Variants in ANKS1A observed in about 807,000 individuals in gnomAD.
ANKS1A encodes the protein ankyrin repeat and sterile alpha motif domain containing 1A.
ANKS1A carries 55 observed loss-of-function variants against 120.3 expected under a neutral mutation model. The ratio of observed to expected loss-of-function variants is 0.46; its 90% CI spans 0.37 to 0.57. The LOEUF is 0.57. ANKS1A is among the 20% of genes least tolerant of loss of function. The pLI is 0.00. For missense variants in ANKS1A, 1,123 were observed against 1,480.3 expected, an observed-to-expected ratio of 0.76 and a Z score of 3.96; for synonymous variants, 590 against 604.7, an observed-to-expected ratio of 0.98 and a Z score of 0.36.
rs553994189 is a variant in ANKS1A at position 35,078,584 on chromosome 6, C to T, written c.2211C>T (p.Asp737=). The T allele has an allele frequency of 6.2e-7, 1 of 1,610,164 alleles. No homozygotes were observed. Among genetic ancestry groups the T allele is most frequent in the South Asian group, 1.1e-5 (1 of 91,084 alleles). ...FLGSNVMEEQ[D]LRDIGISDPQ... is the part of the protein sequence containing the mutation. ...GGTCTAATGTGATGGAAGAGCAGGA[C>T]CTGCGGGACATCGGCATCAGCGACC... Residue 737 remains aspartate, a synonymous_variant, in exon 14 of 24, where the codon GAC becomes GAT. Coordinates refer to ENST00000360359, the MANE Select transcript of ANKS1A (RefSeq NM_015245.3).
intron 3 of ANKS1A, among the ~76,000 whole-genome samples, chr6:34,971,118 G>T (rs1166517611): frequency 6.6e-6 from 1 of 152,236 alleles, no homozygotes; most frequent in Non-Finnish European, 1.5e-5. Context: ...AGAACTTGCA[G>T]CAGTATAAGT....
At chr6:35,061,312 C>T (rs1776487189) in intron 13 of ANKS1A, among the ~76,000 whole-genome samples, 1 of 152,150 alleles carries the variant, frequency 6.6e-6, no homozygotes, top group African/African-American at 2.4e-5. Context: ...GGGGCGTGGC[C>T]ACCTATGTGC....
Position 34,889,388 on chromosome 6 carries a change from G to T in ANKS1A, c.-15G>T, listed in dbSNP as rs576829336. On this transcript the variant is annotated 5_prime_UTR_variant, in exon 1 of 24. Coordinates refer to ENST00000360359, the MANE Select transcript of ANKS1A (RefSeq NM_015245.3). The surrounding 1 kb of genome is among the most constrained non-coding windows in gnomAD (Gnocchi z 5.5). The stretch of plus-strand genomic sequence containing the variant: ...CAGCCTCGGGGAGGGGGTCCAGCGG[G>T]TGGCGGCCCTGGGGATGGGGAAGGA... 8 of 1,260,544 alleles carry T rather than the reference G, an allele frequency of 6.3e-6. No individual in the cohort carries two copies. The highest frequency in any genetic ancestry group is 8.3e-5 in the Admixed American group (2 of 24,050). 78.1% of individuals were successfully genotyped at this position (1,260,544 alleles called of 1,614,324 possible). A position where few individuals can be genotyped will look rare whatever the true frequency, so the allele number is the denominator to read the frequency against.
Position 34,982,025 on chromosome 6 carries a change from C to T in ANKS1A, c.732+39C>T. ...TGGGGGCTCCTCCAATCTCAAGAGA[C>T]TCAGTCATTTTGCAGAAGGCACAAG... On this transcript the variant is annotated intron_variant, in intron 4 of 23. Coordinates refer to ENST00000360359, the MANE Select transcript of ANKS1A (RefSeq NM_015245.3). The surrounding 1 kb of genome is among the most constrained non-coding windows in gnomAD (Gnocchi z 4.9). 1 of 1,603,082 alleles carries T rather than the reference C, an allele frequency of 6.2e-7. No individual in the cohort carries two copies. The highest frequency in any genetic ancestry group is 8.5e-7 in the Non-Finnish European group (1 of 1,173,832).
intron 1 of ANKS1A, among the ~76,000 whole-genome samples, chr6:34,918,503 G>A (rs534350338): frequency 1.4e-4 from 22 of 152,304 alleles, no homozygotes; most frequent in Admixed American, 5.9e-4. Flanking sequence ...GTGAAGCTAC[G>A]GGGCTGATCA....
At chr6:34,957,277 T>G (rs1025481475) in intron 1 of ANKS1A, among the ~76,000 whole-genome samples, 2 of 152,246 alleles carry the variant, frequency 1.3e-5, no homozygotes, top group African/African-American at 4.8e-5. Context: ...GTTTCATGTC[T>G]GTGTTTTGTC....
In ANKS1A at chr6:35,060,883, G is replaced by A. The variant is rs909727213; in HGVS notation, c.2184+630G>A. Among the ~76,000 whole-genome samples the A allele has an allele frequency of 1.2e-4, 18 of 152,204 alleles. No homozygotes were observed. The highest frequency in any genetic ancestry group is 3.6e-4 in the African/African-American group (15 of 41,448). On this transcript the variant is annotated intron_variant, in intron 13 of 23. Coordinates refer to ENST00000360359, the MANE Select transcript of ANKS1A (RefSeq NM_015245.3). The surrounding 1 kb of genome is among the most constrained non-coding windows in gnomAD (Gnocchi z 4.5). Reference sequence around the variant, plus strand: ...GGACCCATTTAGGACCCTGGGCTCAGGATCTGGTGCACACTCTGTCATTTC... The same window carrying A: ...GGACCCATTTAGGACCCTGGGCTCAAGATCTGGTGCACACTCTGTCATTTC...
Position 34,889,322 on chromosome 6 carries a change from C to G in ANKS1A, c.-81C>G, listed in dbSNP as rs1360888172. On this transcript the variant is annotated 5_prime_UTR_variant, in exon 1 of 24. Transcript: ENST00000360359. The surrounding 1 kb of genome is among the most constrained non-coding windows in gnomAD (Gnocchi z 5.5). ...CCCAGCCGGTTTGGGGGGTGCGTTG[C>G]CCGGAGACGGAAAGTTTGGGAGCCC... The G allele has an allele frequency of 8.2e-7, 1 of 1,226,710 alleles. No individual in the cohort carries two copies. The highest frequency in any genetic ancestry group is 3.2e-5 in the East Asian group (1 of 30,852). 76.0% of individuals were successfully genotyped at this position (1,226,710 alleles called of 1,614,324 possible). A position where few individuals can be genotyped will look rare whatever the true frequency, so the allele number is the denominator to read the frequency against.
chr6:34,901,291 G>A (rs769806436), intron 1 of ANKS1A, among the ~76,000 whole-genome samples: 10 of 151,418 alleles, frequency 6.6e-5, no homozygotes, highest in African/African-American at 9.7e-5. Context: ...CAAATAATTA[G>A]TTGGCCCATA....
intron 1 of ANKS1A, among the ~76,000 whole-genome samples, chr6:34,895,238 G>A (rs1767015852): frequency 6.6e-6 from 1 of 150,482 alleles, no homozygotes; most frequent in African/African-American, 2.4e-5. Flanking sequence ...TAAGAGACAG[G>A]AGTCTTGCTA....
At chr6:35,087,223 A>G (rs1204964227) in intron 23 of ANKS1A, among the ~76,000 whole-genome samples, 174 bp downstream of exon 23, 1 of 149,230 alleles carries the variant, frequency 6.7e-6, no homozygotes, top group East Asian at 2.0e-4. Flanking sequence ...TAGACGCTGT[A>G]CACTTGCAGC....
At position 35,084,084 on chromosome 6, in the gene ANKS1A, G is replaced by A. The variant is rs369187877; in HGVS notation, c.2995-37G>A. On this transcript the variant is annotated intron_variant, in intron 20 of 23. Coordinates refer to ENST00000360359, the MANE Select transcript of ANKS1A (RefSeq NM_015245.3). This position sits in a 1 kb window ranked among gnomAD's most constrained non-coding sequence, Gnocchi z 4.8. ...GGCAGGGGGTGCCAGAGGCATGCCT[G>A]AGCCTGAGAATTCCAGAACACGGCT... The A allele has an allele frequency of 6.2e-6, 10 of 1,611,712 alleles. No homozygotes were observed. The African/African-American group carries it at 1.2e-4, about 19-fold the overall frequency.
At chr6:34,971,091 C>T (rs1379114670) in intron 3 of ANKS1A, among the ~76,000 whole-genome samples, 1 of 152,222 alleles carries the variant, frequency 6.6e-6, no homozygotes, top group Non-Finnish European at 1.5e-5. Flanking sequence ...AAACCATGCT[C>T]TTGTTTTACA....
At chr6:35,008,421 A>G (rs1773573287) in intron 10 of ANKS1A, among the ~76,000 whole-genome samples, 1 of 152,132 alleles carries the variant, frequency 6.6e-6, no homozygotes, top group African/African-American at 2.4e-5. Context: ...TGTATTGTCC[A>G]GGCTAGTCTC....
chr6:34,935,055 C>G (rs1769181062), intron 1 of ANKS1A, among the ~76,000 whole-genome samples: 1 of 152,180 alleles, frequency 6.6e-6, no homozygotes, highest in South Asian at 2.1e-4. Context: ...AGATTTAACT[C>G]TGTTTTCATT....
At chr6:35,001,115 G>A (rs1316768498) in intron 10 of ANKS1A, among the ~76,000 whole-genome samples, 3 of 152,130 alleles carry the variant, frequency 2.0e-5, no homozygotes, top group Non-Finnish European at 2.9e-5. Context: ...TAAGTTTAAC[G>A]TTAATAACAC....
intron 9 of ANKS1A, among the ~76,000 whole-genome samples, chr6:34,991,757 T>C (rs561189520): frequency 3.1e-3 from 86 of 28,026 alleles, no homozygotes; most frequent in South Asian, 7.1e-3. Context: ...TATACACACA[T>C]ATATATATAC....
chr6:35,033,408 A>G (rs1264263399), intron 11 of ANKS1A, among the ~76,000 whole-genome samples: 2 of 152,212 alleles, frequency 1.3e-5, no homozygotes, highest in Non-Finnish European at 2.9e-5. Flanking sequence ...TCAGACATGT[A>G]TGATGCTGGT....
chr6:34,964,745 G>C (rs1456706457), intron 1 of ANKS1A, among the ~76,000 whole-genome samples: 1 of 152,174 alleles, frequency 6.6e-6, no homozygotes, highest in Non-Finnish European at 1.5e-5. Context: ...TTGGGTAATT[G>C]CCTGGAAGTG....
Sources: gnomAD v4.1 joint callset for allele counts (sites outside exome capture counted in the v4.1 genomes callset) on GRCh38, gnomAD v4.1.1 for gene constraint, Gnocchi (gnomAD v3.1) non-coding constraint, MANE v1.5 for transcripts, NCBI Gene and HGNC (gene_info 2026-07-23, HGNC 2026-07-21) for gene names.